Variants in CLEC16A observed in about 807,000 individuals in gnomAD.
CLEC16A encodes the protein C-type lectin domain containing 16A, also known as protein CLEC16A.
In CLEC16A, 51 loss-of-function variants were observed where a neutral mutation model predicts 109.5. The ratio of observed to expected loss-of-function variants is 0.47; its 90% confidence interval spans 0.37 to 0.59. The LOEUF (loss-of-function observed/expected upper bound fraction) is 0.59. Ranked by LOEUF, CLEC16A falls within the 20% of genes least tolerant of loss-of-function variation. CLEC16A has a pLI of 0.00. For missense variants in CLEC16A, 1,339 were observed against 1,394.0 expected (o/e 0.96, Z 0.63); for synonymous variants, 673 against 564.2 (o/e 1.19, Z -2.73).
chr16:11,125,003 C>T (rs999062549), intron 21 of CLEC16A, among the ~76,000 whole-genome samples: 4 of 152,230 alleles, frequency 2.6e-5, no homozygotes, highest in African/African-American at 7.2e-5. Context: ...GCGGGAGGAT[C>T]ACTTGAGCCT....
intron 23 of CLEC16A, among the ~76,000 whole-genome samples, chr16:11,171,067 C>A (rs1467074545): frequency 6.6e-6 from 1 of 152,220 alleles, no homozygotes; most frequent in East Asian, 1.9e-4. Flanking sequence ...TCCCTGGGGT[C>A]TGCCTGTACA....
At chr16:11,016,366 T>G (rs916978945) in intron 11 of CLEC16A, among the ~76,000 whole-genome samples, 1 of 137,796 alleles carries the variant, frequency 7.3e-6, no homozygotes, top group Admixed American at 7.1e-5. Context: ...TTTTTTTTTT[T>G]GAAACAGAGT....
rs545548877 is a variant in CLEC16A, at chr16:11,100,701, C to G, written c.2117-19914C>G. On this transcript the variant is annotated intron_variant, in intron 19 of 23. Transcript: ENST00000409790. ...TGTAATGTGCAGATAATGGTACTGC[C>G]TGGGCTGGGTGGTTTTGAGTGCTTA... 3.9e-5 allele frequency among the ~76,000 whole-genome samples: 6 copies of G among 152,294 alleles called. No homozygotes were observed. The South Asian group carries it at 1.2e-3, about 32-fold the overall frequency.
At position 10,973,008 on chromosome 16, in the gene CLEC16A, G is replaced by C; in HGVS notation, c.675G>C (p.Trp225Cys). Residue 225 changes from tryptophan (W) to cysteine (C), a missense_variant, in exon 7 of 24, where the codon TGG (tryptophan) becomes TGC (cysteine). Trp to Cys is a radical substitution (Grantham distance 215, BLOSUM62 -2). Around this residue, in one of 3 missense-constraint regions of CLEC16A, gnomAD observed 161 missense variants for 267.1 expected, o/e 0.60. Transcript: ENST00000409790. ...TAVPYFSNLV[W>C]FIGSHVIELD... ...TTCCTTACTTCTCCAATTTGGTCTG[G>C]TTCATTGGGAGCCATGTGATCGAAC... 6.2e-7 allele frequency: 1 copy of C among 1,611,012 alleles called. No homozygotes were observed. The highest frequency in any genetic ancestry group is 8.5e-7 in the Non-Finnish European group (1 of 1,178,772).
intron 19 of CLEC16A, among the ~76,000 whole-genome samples, chr16:11,095,093 C>A (rs12443638): frequency 7.5e-6 from 1 of 133,438 alleles, no homozygotes; most frequent in Non-Finnish European, 1.6e-5. Context: ...CTTTTTTTTT[C>A]TTTTTTTTTT....
intron 10 of CLEC16A, among the ~76,000 whole-genome samples, chr16:11,001,777 G>T (rs2044684946): frequency 6.6e-6 from 1 of 152,124 alleles, no homozygotes; most frequent in Admixed American, 6.6e-5. Context: ...AAAGTGCTGG[G>T]ATTAGAGAGG....
intron 19 of CLEC16A, among the ~76,000 whole-genome samples, chr16:11,094,650 T>G (rs1322825421): frequency 6.6e-6 from 1 of 152,260 alleles, no homozygotes; most frequent in Admixed American, 6.5e-5. Context: ...AATCTCTCCC[T>G]TTTTTCCTGT....
intron 22 of CLEC16A, among the ~76,000 whole-genome samples, chr16:11,164,179 G>T (rs1407840344): frequency 2.0e-5 from 3 of 152,318 alleles, no homozygotes; most frequent in Non-Finnish European, 4.4e-5. Flanking sequence ...CTCTGCGGTA[G>T]GTGCGGGCAG....
intron 19 of CLEC16A, among the ~76,000 whole-genome samples, chr16:11,062,049 G>A (rs2048508746): frequency 6.6e-6 from 1 of 152,154 alleles, no homozygotes; most frequent in South Asian, 2.1e-4. Flanking sequence ...GGCCTAGCTT[G>A]GGGCACATGA....
intron 19 of CLEC16A, among the ~76,000 whole-genome samples, chr16:11,092,361 A>ACACACACACACACAC (rs2050354709): frequency 1.5e-5 from 2 of 132,436 alleles, no homozygotes; most frequent in African/African-American, 2.8e-5. Context: ...AACAAAAACA[A>ACACACACACACACAC]ACACACACAC....
At chr16:10,999,892 G>A (rs146672569) in intron 10 of CLEC16A, among the ~76,000 whole-genome samples, 18 of 152,240 alleles carry the variant, frequency 1.2e-4, no homozygotes, top group Non-Finnish European at 1.8e-4. Flanking sequence ...GCTGGAGTGC[G>A]GTGGTTTAAT....
intron 11 of CLEC16A, among the ~76,000 whole-genome samples, chr16:11,019,292 G>T (rs932658160): frequency 6.6e-6 from 1 of 152,110 alleles, no homozygotes; most frequent in South Asian, 2.1e-4. Context: ...TGTTTTCTTT[G>T]GTGGTTCATA....
intron 11 of CLEC16A, among the ~76,000 whole-genome samples, chr16:11,007,032 C>T (rs997951290): frequency 5.9e-5 from 9 of 152,148 alleles, no homozygotes; most frequent in Admixed American, 5.9e-4. Flanking sequence ...TTTTAGCTTG[C>T]CCTTGAGTCT....
At chr16:11,145,898 G>A (rs950972791) in intron 22 of CLEC16A, among the ~76,000 whole-genome samples, 6 of 152,140 alleles carry the variant, frequency 3.9e-5, no homozygotes, top group Non-Finnish European at 1.5e-5. Flanking sequence ...AAGTCCTCAC[G>A]GTAGCCCCAC....
chr16:11,011,992 A>C (rs577019467), intron 11 of CLEC16A, among the ~76,000 whole-genome samples: 1 of 152,314 alleles, frequency 6.6e-6, no homozygotes, highest in South Asian at 2.1e-4. Context: ...CTTAAAAAAC[A>C]GTTCAGGATG....
At chr16:11,139,605 C>A (rs2153063820) in intron 22 of CLEC16A, among the ~76,000 whole-genome samples, 1 of 152,226 alleles carries the variant, frequency 6.6e-6, no homozygotes, top group East Asian at 1.9e-4. Flanking sequence ...ACCCATCAGC[C>A]TGGCTGCTGG....
chr16:11,056,299 A>G lies in CLEC16A; in HGVS notation c.1996-4603A>G, dbSNP rs145437699. Among the ~76,000 whole-genome samples, 168 of 152,324 alleles carry G rather than the reference A, an allele frequency of 1.1e-3. No homozygotes were observed. In the East Asian group the frequency reaches 0.029, roughly 26 times the overall value. On this transcript the variant is annotated intron_variant, in intron 18 of 23. Coordinates refer to ENST00000409790, the MANE Select transcript of CLEC16A (RefSeq NM_015226.3). ...AGGTCCCTCGTGGGTCTTGCCTCTC[A>G]GCTGTTGCCCAGAGTAGACGAGTGT...
chr16:11,115,097 G>C (rs1275512973), intron 19 of CLEC16A, among the ~76,000 whole-genome samples: 1 of 152,178 alleles, frequency 6.6e-6, no homozygotes, highest in Non-Finnish European at 1.5e-5. Flanking sequence ...AGGCAGCCAG[G>C]CTCTATGAGG....
chr16:11,159,828 GTTC>G (rs1263049781), intron 22 of CLEC16A, among the ~76,000 whole-genome samples: 1 of 152,142 alleles, frequency 6.6e-6, no homozygotes, highest in Non-Finnish European at 1.5e-5. Flanking sequence ...TTATTGTCGG[GTTC>G]TTATTTACTT....
Sources: gnomAD v4.1 joint callset for allele counts (sites outside exome capture counted in the v4.1 genomes callset) on GRCh38, gnomAD v4.1.1 for gene constraint, gnomAD v4.1.1 regional missense constraint, MANE v1.5 for transcripts, NCBI Gene and HGNC (gene_info 2026-07-23, HGNC 2026-07-21) for gene names.